Variants in FOXP1 observed in about 807,000 individuals in gnomAD.
The protein encoded by FOXP1 is forkhead box protein P1.
Under a neutral mutation model 98.2 loss-of-function variants are expected in FOXP1, and 15 were observed. That is an observed-to-expected ratio of 0.15 (90% CI 0.10 to 0.24). The LOEUF (loss-of-function observed/expected upper bound fraction) is 0.24. Ranked by LOEUF, FOXP1 falls within the 10% of genes least tolerant of loss-of-function variation. The pLI is 1.00. For synonymous variants in FOXP1, 371 were observed against 314.5 expected, an observed-to-expected ratio of 1.18 and a Z score of -1.90; for missense variants, 633 against 848.5, an observed-to-expected ratio of 0.75 and a Z score of 3.15.
chr3:71,572,593 C>A (rs780725752), intron 2 of FOXP1: 5 of 152,218 alleles, frequency 3.3e-5, no homozygotes, highest in Non-Finnish European at 2.9e-5. Flanking sequence ...AAACAAAATC[C>A]TGTATTTTGA....
intron 5 of FOXP1, among the ~76,000 whole-genome samples, chr3:71,221,903 C>CTA (rs1430079133): frequency 6.6e-6 from 1 of 152,214 alleles, no homozygotes; most frequent in Non-Finnish European, 1.5e-5. Context: ...ACCTGTAATC[C>CTA]TAGCACTTTG....
intron 12 of FOXP1, among the ~76,000 whole-genome samples, chr3:71,012,714 G>A (rs2043829552): frequency 6.6e-6 from 1 of 152,064 alleles, no homozygotes; most frequent in Non-Finnish European, 1.5e-5. Flanking sequence ...TACAGAGACT[G>A]TTCTAACAAT....
chr3:71,010,839 C>G (rs1217072228), intron 12 of FOXP1, among the ~76,000 whole-genome samples: 2 of 148,428 alleles, frequency 1.3e-5, no homozygotes, highest in African/African-American at 5.0e-5. Flanking sequence ...CCCCCTCCCC[C>G]CCCACCCAGT....
At chr3:71,317,350 C>CA (rs1393855688) in intron 4 of FOXP1, among the ~76,000 whole-genome samples, 9 of 152,160 alleles carry the variant, frequency 5.9e-5, no homozygotes, top group African/African-American at 2.2e-4. Flanking sequence ...TGGAGTACCA[C>CA]ATGGAATGAA....
intron 20 of FOXP1, 59 bp from the exon 21 acceptor site, chr3:70,959,450 G>GC: frequency 6.2e-7 from 1 of 1,604,048 alleles, no homozygotes; most frequent in South Asian, 1.1e-5. Context: ...CAGCTCAGGT[G>GC]CACTGAAAAG....
intron 3 of FOXP1, among the ~76,000 whole-genome samples, chr3:71,457,359 C>A (rs17656627): frequency 0.29 from 43,437 of 152,062 alleles, 6,572 homozygotes; most frequent in Non-Finnish European, 0.33. Flanking sequence ...TGCTATATTG[C>A]AATTTTACTA....
intron 4 of FOXP1, among the ~76,000 whole-genome samples, chr3:71,354,997 G>A (rs942392980): frequency 6.6e-6 from 1 of 152,218 alleles, no homozygotes; most frequent in African/African-American, 2.4e-5. Context: ...TCAGGCTCAA[G>A]TGGCAAATGA....
Position 70,959,419 on chromosome 3 carries a change from A to G in FOXP1, c.1890-28T>C, listed in dbSNP as rs1268154442. ...GGAAAAAATATGCAGAGGTTCAGTG[A>G]GGGTACTTCCCAGCCCATTGCAGCT... On this transcript the variant is annotated intron_variant, in intron 20 of 20. Transcript: ENST00000649528. The G allele has an allele frequency of 1.9e-6, 3 of 1,613,766 alleles. No individual in the cohort carries two copies. The East Asian group carries it at 6.7e-5, about 36-fold the overall frequency.
At chr3:71,183,816 G>A (rs1284163692) in intron 6 of FOXP1, among the ~76,000 whole-genome samples, 2 of 152,032 alleles carry the variant, frequency 1.3e-5, no homozygotes, top group East Asian at 3.9e-4. Context: ...CAGATCTACA[G>A]AATAAAGTAC....
chr3:71,011,378 C>T (rs2043596140), intron 12 of FOXP1, among the ~76,000 whole-genome samples: 1 of 152,088 alleles, frequency 6.6e-6, no homozygotes, highest in Admixed American at 6.6e-5. Context: ...TGACAGTCTG[C>T]CTATGGCTTT....
At chr3:71,449,288 G>A (rs879805934) in intron 3 of FOXP1, among the ~76,000 whole-genome samples, 2 of 152,124 alleles carry the variant, frequency 1.3e-5, no homozygotes, top group South Asian at 2.1e-4. Flanking sequence ...TCTCAGGATC[G>A]TCCAAGTTCA....
chr3:71,472,858 G>A (rs561829141), intron 3 of FOXP1, among the ~76,000 whole-genome samples: 1 of 152,184 alleles, frequency 6.6e-6, no homozygotes, highest in Non-Finnish European at 1.5e-5. Flanking sequence ...CATTTATGGT[G>A]TGCTCCAACC....
At chr3:71,375,028 T>A (rs1409059624) in intron 3 of FOXP1, among the ~76,000 whole-genome samples, 1 of 152,210 alleles carries the variant, frequency 6.6e-6, no homozygotes, top group African/African-American at 2.4e-5. Context: ...TATTCTAGAT[T>A]TTCTACTCTA....
chr3:71,474,441 G>A (rs115026726), intron 3 of FOXP1, among the ~76,000 whole-genome samples: 18 of 152,208 alleles, frequency 1.2e-4, no homozygotes, highest in African/African-American at 2.9e-4. Context: ...CCCAGTCCCC[G>A]GGCCACAGAC....
intron 3 of FOXP1, among the ~76,000 whole-genome samples, chr3:71,471,676 A>C (rs1277671595): frequency 6.6e-6 from 1 of 152,204 alleles, no homozygotes; most frequent in Non-Finnish European, 1.5e-5. Context: ...AAAGAAAAAA[A>C]AAGGTAGAAA....
chr3:71,171,398 T>G (rs772325033), intron 6 of FOXP1, among the ~76,000 whole-genome samples: 1 of 152,216 alleles, frequency 6.6e-6, no homozygotes, highest in Non-Finnish European at 1.5e-5. Flanking sequence ...TTTTCGCTAT[T>G]CCTGGGGGAA....
chr3:71,368,346 G>A (rs1389133855), intron 3 of FOXP1, among the ~76,000 whole-genome samples: 4 of 151,936 alleles, frequency 2.6e-5, no homozygotes, highest in East Asian at 1.9e-4. Flanking sequence ...GGCTGGTCTC[G>A]AACTTCCTGA....
At chr3:71,096,192 G>C (rs142483138) in intron 7 of FOXP1, among the ~76,000 whole-genome samples, 1 of 152,332 alleles carries the variant, frequency 6.6e-6, no homozygotes, top group Non-Finnish European at 1.5e-5. Context: ...AGGGAATGAA[G>C]AAATGAGGAA....
At chr3:71,159,980 G>A (rs549340770) in intron 6 of FOXP1, among the ~76,000 whole-genome samples, 16 of 152,144 alleles carry the variant, frequency 1.1e-4, no homozygotes, top group Non-Finnish European at 2.1e-4. Flanking sequence ...ATGCACATGT[G>A]CTAAATTCAA....
Sources: allele counts gnomAD v4.1 joint callset (sites outside exome capture counted in the v4.1 genomes callset), GRCh38; gene constraint gnomAD v4.1.1; transcripts MANE v1.5; gene names NCBI Gene and HGNC (gene_info 2026-07-23, HGNC 2026-07-21).